The following MYT1L variants were observed in gnomAD, a reference collection of about 807,000 sequenced individuals.
MYT1L encodes the protein myelin transcription factor 1 like, also known as myelin transcription factor 1-like protein.
A neutral mutation model predicts 126.7 loss-of-function variants in MYT1L; 12 were observed. That is an observed-to-expected ratio of 0.09 (90% confidence interval 0.06 to 0.15). The LOEUF is 0.15. Ranked by LOEUF, MYT1L falls within the 10% of genes least tolerant of loss-of-function variation. The pLI is 1.00. For missense variants in MYT1L, 979 were observed against 1,585.2 expected (o/e 0.62, Z 6.49); for synonymous variants, 541 against 604.2 (o/e 0.90, Z 1.53).
At position 1,913,518 on chromosome 2, in the gene MYT1L, G is replaced by A. The variant is rs563800814; in HGVS notation, c.1619-1408C>T. Among the ~76,000 whole-genome samples the A allele has an allele frequency of 7.2e-5, 11 of 152,214 alleles. No homozygotes were observed. The South Asian group carries it at 1.7e-3, about 23-fold the overall frequency. ...AGGGAGGCCTCTCCAGGAAGCATGT[G>A]CGTGGTCCTCCTTCCTGCAGGATGT... is the stretch of plus-strand genomic sequence containing the variant. On this transcript the variant is annotated intron_variant, in intron 11 of 24. Coordinates refer to ENST00000647738, the MANE Select transcript of MYT1L (RefSeq NM_001303052.2).
chr2:1,983,459 C>A (rs2060761400), intron 5 of MYT1L, among the ~76,000 whole-genome samples: 1 of 152,186 alleles, frequency 6.6e-6, no homozygotes, highest in African/African-American at 2.4e-5. Flanking sequence ...TCAAATTAAG[C>A]AGAAAGCATA....
Position 2,009,235 on chromosome 2 carries a change from T to C in MYT1L, c.-157-11888A>G, listed in dbSNP as rs149807800. Among the ~76,000 whole-genome samples, 7 of 152,096 alleles carry C rather than the reference T, an allele frequency of 4.6e-5. No individual in the cohort carries two copies. In the East Asian group the frequency reaches 7.7e-4, roughly 17 times the overall value. ...GATATTTTCCCAATTTCTGTGAAAA[T>C]TGCTATTGTTGCTATTGAAGATTTT... On this transcript the variant is annotated intron_variant, in intron 4 of 24. Coordinates refer to ENST00000647738, the MANE Select transcript of MYT1L (RefSeq NM_001303052.2).
chr2:2,082,681 A>G (rs146734115), intron 3 of MYT1L, among the ~76,000 whole-genome samples: 39 of 152,348 alleles, frequency 2.6e-4, no homozygotes, highest in African/African-American at 8.4e-4. Flanking sequence ...ATTTTATCAT[A>G]ATGCTGTTCA....
At chr2:2,168,628 C>T (rs528708366) in intron 3 of MYT1L, among the ~76,000 whole-genome samples, 71 of 152,262 alleles carry the variant, frequency 4.7e-4, no homozygotes, top group African/African-American at 1.4e-3. Flanking sequence ...AGCCACTCTC[C>T]ACCTTCAGTG....
intron 2 of MYT1L, among the ~76,000 whole-genome samples, chr2:2,270,072 C>A (rs938876162): frequency 1.3e-5 from 2 of 152,140 alleles, no homozygotes; most frequent in Non-Finnish European, 2.9e-5. Flanking sequence ...AAGAGCGTGG[C>A]GTCTTCATGA....
chr2:1,976,671 G>A (rs566505718), intron 8 of MYT1L, among the ~76,000 whole-genome samples: 18 of 152,098 alleles, frequency 1.2e-4, no homozygotes, highest in Non-Finnish European at 2.1e-4. Flanking sequence ...CAGATATAAC[G>A]GAAAATTTCC....
chr2:2,004,319 A>AT (rs2062861505), intron 4 of MYT1L, among the ~76,000 whole-genome samples: 2 of 132,696 alleles, frequency 1.5e-5, no homozygotes, highest in African/African-American at 5.7e-5. Flanking sequence ...TCTTTCCTGC[A>AT]GGCGTTCTTT....
Position 2,228,508 on chromosome 2 carries a change from A to G in MYT1L, c.-420-55520T>C, listed in dbSNP as rs916443430. ...TCAGCAAGACAAATTGAACTTTAGA[A>G]CTGGAAGAAAGTTTAGAATTTTTTT... On this transcript the variant is annotated intron_variant, in intron 2 of 24. Coordinates refer to ENST00000647738, the MANE Select transcript of MYT1L (RefSeq NM_001303052.2). The surrounding 1 kb of genome is among the most constrained non-coding windows in gnomAD (Gnocchi z 5.9). Among the ~76,000 whole-genome samples the G allele has an allele frequency of 6.6e-6, 1 of 152,222 alleles. No individual in the cohort carries two copies. The highest frequency in any genetic ancestry group is 2.4e-5 in the African/African-American group (1 of 41,468).
chr2:1,842,175 T>G (rs559361997), intron 19 of MYT1L: 1 of 152,332 alleles, frequency 6.6e-6, no homozygotes, highest in African/African-American at 2.4e-5. Context: ...ATAGTTTTCT[T>G]GGTCAGTTCT....
intron 21 of MYT1L, among the ~76,000 whole-genome samples, chr2:1,834,687 C>T (rs943408915): frequency 2.0e-5 from 3 of 152,226 alleles, no homozygotes; most frequent in East Asian, 1.9e-4. Flanking sequence ...TGAGGAAGGG[C>T]GAGTCAGTGT....
At chr2:2,200,522 G>C (rs1282141384) in intron 2 of MYT1L, among the ~76,000 whole-genome samples, 2 of 152,188 alleles carry the variant, frequency 1.3e-5, no homozygotes, top group Admixed American at 1.3e-4. Flanking sequence ...GCCTGTCCCT[G>C]ATCCAGAATA....
chr2:2,291,223 G>A (rs1392371481), intron 1 of MYT1L, among the ~76,000 whole-genome samples: 1 of 152,146 alleles, frequency 6.6e-6, no homozygotes, highest in Non-Finnish European at 1.5e-5. Context: ...GTGATTCTGG[G>A]TTTTAGCTAC....
chr2:1,971,452 C>T (rs967428583), intron 8 of MYT1L, among the ~76,000 whole-genome samples: 2 of 152,150 alleles, frequency 1.3e-5, no homozygotes, highest in Non-Finnish European at 2.9e-5. Context: ...GGCTTTGGGC[C>T]GGGCACAGTG....
chr2:1,895,441 C>A (rs2049447707), intron 14 of MYT1L, among the ~76,000 whole-genome samples: 1 of 152,218 alleles, frequency 6.6e-6, no homozygotes, highest in Admixed American at 6.5e-5. Context: ...AGGTTACACT[C>A]TACCTGACTT....
At chr2:2,031,967 AC>A (rs1226454274) in intron 4 of MYT1L, among the ~76,000 whole-genome samples, 1 of 124,004 alleles carries the variant, frequency 8.1e-6, no homozygotes, top group Non-Finnish European at 1.6e-5. Flanking sequence ...CCTTATATAC[AC>A]CCCTCGCCAA....
intron 3 of MYT1L, among the ~76,000 whole-genome samples, chr2:2,150,851 G>T (rs938791123): frequency 6.7e-6 from 1 of 150,194 alleles, no homozygotes; most frequent in Non-Finnish European, 1.5e-5. Context: ...GGGAAAAGAA[G>T]GGAAGGGAAG....
At chr2:1,961,509 C>T (rs547385133) in intron 8 of MYT1L, among the ~76,000 whole-genome samples, 52 of 152,290 alleles carry the variant, frequency 3.4e-4, no homozygotes, top group African/African-American at 1.2e-3. Flanking sequence ...TCAGAACTGA[C>T]AGCACCTTTG....
chr2:2,084,131 T>C (rs527918185), intron 3 of MYT1L, among the ~76,000 whole-genome samples: 1 of 150,790 alleles, frequency 6.6e-6, no homozygotes, highest in African/African-American at 2.4e-5. Flanking sequence ...CTCATTTTAG[T>C]ATAGACTGAG....
rs769758400 is a variant in MYT1L, at chr2:1,979,826, C to A, written c.1-49G>T. 1 of 1,586,668 alleles carries A rather than the reference C, an allele frequency of 6.3e-7. No homozygotes were observed. The highest frequency in any genetic ancestry group is 8.6e-7 in the Non-Finnish European group (1 of 1,156,092). ...AATGTGCTTATCCTGCCTGTGCAGG[C>A]CAGCCCTGCAGGGGCGGCTCACTCT... On this transcript the variant is annotated intron_variant, in intron 5 of 24. Coordinates refer to ENST00000647738, the MANE Select transcript of MYT1L (RefSeq NM_001303052.2). The surrounding 1 kb of genome is among the most constrained non-coding windows in gnomAD (Gnocchi z 4.0).
Sources: allele counts gnomAD v4.1 joint callset (sites outside exome capture counted in the v4.1 genomes callset), GRCh38; gene constraint gnomAD v4.1.1; non-coding constraint Gnocchi (gnomAD v3.1); transcripts MANE v1.5; gene names NCBI Gene and HGNC (gene_info 2026-07-23, HGNC 2026-07-21).